The following DIAPH2 variants were observed in gnomAD, a reference collection of about 807,000 sequenced individuals.
The protein encoded by DIAPH2 is protein diaphanous homolog 2.
In DIAPH2, 35 loss-of-function variants were observed where a neutral mutation model predicts 92.7. The ratio of observed to expected loss-of-function variants is 0.38; its 90% CI spans 0.29 to 0.50. The LOEUF (loss-of-function observed/expected upper bound fraction) is 0.50, where lower values mean the gene tolerates loss of function less well. Among genes scored for constraint, DIAPH2 ranks in the 20% least tolerant of loss-of-function variants. DIAPH2 has a pLI of 0.94. For synonymous variants in DIAPH2, 301 were observed against 280.4 expected, an observed-to-expected ratio of 1.07 and a Z score of -0.73; for missense variants, 701 against 819.5, an observed-to-expected ratio of 0.86 and a Z score of 1.77.
chrX:97,407,769 A>G (rs1409133667), intron 25 of DIAPH2, among the ~76,000 whole-genome samples: 1 of 112,449 alleles, frequency 8.9e-6, no homozygotes, highest in Non-Finnish European at 1.9e-5. Flanking sequence ...GTAGTGACAC[A>G]ACAGTAACTA....
intron 22 of DIAPH2, among the ~76,000 whole-genome samples, chrX:97,183,835 T>C (rs2067559572): frequency 8.9e-6 from 1 of 111,840 alleles, no homozygotes; most frequent in Non-Finnish European, 1.9e-5. Flanking sequence ...AACAAAAAAA[T>C]GAGAAAGAAA....
chrX:96,941,861 T>C (rs1464367804), intron 12 of DIAPH2, among the ~76,000 whole-genome samples, 157 bp from the exon 13 acceptor site: 1 of 110,089 alleles, frequency 9.1e-6, no homozygotes, highest in Non-Finnish European at 1.9e-5. Context: ...ATCCTTAAGC[T>C]TAGGCATGCT....
chrX:96,840,898 C>T (rs1274345382), intron 4 of DIAPH2, among the ~76,000 whole-genome samples: 1 of 111,886 alleles, frequency 8.9e-6, no homozygotes, highest in Admixed American at 9.5e-5. Context: ...CAGGCGTGAG[C>T]CACCGTGCCC....
At chrX:97,254,616 A>G (rs900294448) in intron 23 of DIAPH2, among the ~76,000 whole-genome samples, 9 of 110,637 alleles carry the variant, frequency 8.1e-5, no homozygotes, top group African/African-American at 2.9e-4. Flanking sequence ...ATCTATATCT[A>G]TATATCTGTC....
chrX:96,793,558 A>T, intron 4 of DIAPH2: 1 of 370,254 alleles, frequency 2.7e-6, no homozygotes, highest in Non-Finnish European at 5.3e-6. Flanking sequence ...ATGTGCTAGC[A>T]TATTCCTTTT....
intron 26 of DIAPH2, among the ~76,000 whole-genome samples, chrX:97,592,140 A>G (rs978254118): frequency 1.8e-5 from 2 of 112,289 alleles, no homozygotes; most frequent in Non-Finnish European, 3.8e-5. Context: ...CTACATTTGT[A>G]GTTTAATGTG....
intron 23 of DIAPH2, among the ~76,000 whole-genome samples, chrX:97,291,783 C>T (rs1419966931): frequency 9.0e-6 from 1 of 111,343 alleles, no homozygotes; most frequent in Non-Finnish European, 1.9e-5. Flanking sequence ...GGTGATTCCC[C>T]CACCTCAGCC....
intron 4 of DIAPH2, among the ~76,000 whole-genome samples, chrX:96,822,961 T>C (rs951477880): frequency 1.8e-5 from 2 of 111,886 alleles, no homozygotes; most frequent in African/African-American, 6.5e-5. Context: ...ATGTGCATGG[T>C]GTATATGGTA....
chrX:97,365,305 T>G (rs970936439), intron 24 of DIAPH2, among the ~76,000 whole-genome samples: 1 of 111,889 alleles, frequency 8.9e-6, no homozygotes, highest in Non-Finnish European at 1.9e-5. Flanking sequence ...CAGTAATCTT[T>G]TAGTTCTCCT....
At chrX:97,089,370 A>T (rs2066806442) in intron 19 of DIAPH2, among the ~76,000 whole-genome samples, 1 of 111,411 alleles carries the variant, frequency 9.0e-6, no homozygotes, top group South Asian at 3.9e-4. Context: ...AACAGGTTAA[A>T]TGTCATCAAG....
Position 97,411,567 on chromosome X carries a change from G to A in DIAPH2, c.3146-18083G>A, listed in dbSNP as rs184856857. On this transcript the variant is annotated intron_variant, in intron 25 of 26. Transcript: ENST00000324765. ...ACAAATAACAATATTAAGCTTAAATGCAAATAGGCTAAATGCCCCAATTAA... is the reference window on the plus strand; with the variant it reads ...ACAAATAACAATATTAAGCTTAAATACAAATAGGCTAAATGCCCCAATTAA... 3.7e-4 allele frequency among the ~76,000 whole-genome samples: 41 copies of A among 111,849 alleles called. 1 individual carries two copies. Among genetic ancestry groups the A allele is most frequent in the Admixed American group, 2.2e-3 (23 of 10,557 alleles).
chrX:97,115,121 A>T (rs756463970), intron 21 of DIAPH2, among the ~76,000 whole-genome samples, 156 bp downstream of exon 21: 7 of 112,405 alleles, frequency 6.2e-5, no homozygotes, highest in Non-Finnish European at 9.4e-5. Context: ...CAAACAAATA[A>T]TTTTTTAAAA....
intron 4 of DIAPH2, among the ~76,000 whole-genome samples, chrX:96,826,717 T>A (rs1165577287): frequency 2.7e-5 from 3 of 111,752 alleles, no homozygotes; most frequent in African/African-American, 9.7e-5. Context: ...AATCGATCAT[T>A]TAGTCCAAAA....
chrX:96,957,702 T>G (rs1421719695), intron 15 of DIAPH2, 126 bp from the exon 16 acceptor site: 3 of 532,863 alleles, frequency 5.6e-6, no homozygotes, highest in Non-Finnish European at 6.0e-6. Context: ...TTTAGTAATA[T>G]CTAAAAAAGT....
intron 4 of DIAPH2, among the ~76,000 whole-genome samples, chrX:96,880,219 T>C (rs1254499862): frequency 1.8e-5 from 2 of 111,675 alleles, no homozygotes; most frequent in African/African-American, 6.5e-5. Flanking sequence ...GTTAGTTATG[T>C]GGCATAGATG....
At chrX:96,820,629 G>A (rs1383385966) in intron 4 of DIAPH2, among the ~76,000 whole-genome samples, 1 of 112,165 alleles carries the variant, frequency 8.9e-6, no homozygotes, top group Admixed American at 9.5e-5. Context: ...AAAATGCAAA[G>A]CAGTTAAATA....
chrX:97,038,013 C>T (rs1233525610), intron 17 of DIAPH2, among the ~76,000 whole-genome samples: 1 of 111,223 alleles, frequency 9.0e-6, no homozygotes, highest in East Asian at 2.8e-4. Flanking sequence ...CTTCTCCCAA[C>T]CTACCCCCTT....
At chrX:97,323,136 C>G (rs1358911679) in intron 23 of DIAPH2, among the ~76,000 whole-genome samples, 2 of 106,100 alleles carry the variant, frequency 1.9e-5, no homozygotes, top group Non-Finnish European at 3.9e-5. Context: ...GATCTGCTGA[C>G]CTCAGGTGAT....
intron 10 of DIAPH2, among the ~76,000 whole-genome samples, chrX:96,931,560 A>G (rs1015477680): frequency 9.1e-6 from 1 of 110,393 alleles, no homozygotes; most frequent in Non-Finnish European, 1.9e-5. Flanking sequence ...AATATACCTG[A>G]GAGACAAGAA....
Sources: allele counts gnomAD v4.1 joint callset (sites outside exome capture counted in the v4.1 genomes callset), GRCh38; gene constraint gnomAD v4.1.1; transcripts MANE v1.5; gene names NCBI Gene and HGNC (gene_info 2026-07-23, HGNC 2026-07-21).